Variants in SOX6 observed in about 807,000 individuals in gnomAD.
The protein encoded by SOX6 is transcription factor SOX-6.
In SOX6, 11 loss-of-function variants were observed where a neutral mutation model predicts 97.8. The observed-to-expected ratio is 0.11, with a 90% CI of 0.07 to 0.19. The LOEUF is 0.19. Ranked by LOEUF, SOX6 falls within the 10% of genes least tolerant of loss-of-function variation. The pLI is 1.00. For synonymous variants in SOX6, 360 were observed against 371.4 expected (o/e 0.97, Z 0.35); for missense variants, 810 against 1,039.5 (o/e 0.78, Z 3.04).
intron 1 of SOX6, among the ~76,000 whole-genome samples, chr11:16,415,027 A>G (rs1471452604): frequency 6.6e-6 from 1 of 152,172 alleles, no homozygotes; most frequent in Admixed American, 6.5e-5. Flanking sequence ...CTCTTCAAAT[A>G]CATCTGTATT....
chr11:16,290,401 A>G (rs1316278773), intron 3 of SOX6, among the ~76,000 whole-genome samples: 1 of 152,088 alleles, frequency 6.6e-6, no homozygotes, highest in Non-Finnish European at 1.5e-5. Flanking sequence ...TACTTTTAAA[A>G]ATCTGCTCAT....
intron 4 of SOX6, among the ~76,000 whole-genome samples, chr11:16,587,519 A>G (rs1182989826): frequency 2.6e-5 from 4 of 152,206 alleles, no homozygotes; most frequent in South Asian, 2.1e-4. Context: ...AAATATGTCT[A>G]TGTGTGGTAA....
At chr11:16,622,027 T>C (rs563831245) in intron 3 of SOX6, among the ~76,000 whole-genome samples, 5 of 152,330 alleles carry the variant, frequency 3.3e-5, no homozygotes, top group African/African-American at 1.2e-4. Context: ...GGTCATCTTG[T>C]GGATGCCTTT....
chr11:16,702,498 G>T (rs1848102171), intron 3 of SOX6, among the ~76,000 whole-genome samples: 1 of 152,152 alleles, frequency 6.6e-6, no homozygotes, highest in Non-Finnish European at 1.5e-5. Flanking sequence ...ATGCTACTTA[G>T]GGAAAACTTG....
chr11:16,516,707 G>T (rs1590230275), intron 4 of SOX6, among the ~76,000 whole-genome samples: 1 of 148,090 alleles, frequency 6.8e-6, no homozygotes, highest in Non-Finnish European at 1.5e-5. Context: ...ACCAAAAAGA[G>T]TCCAGGACCA....
At chr11:16,641,109 G>A (rs1016200881) in intron 3 of SOX6, among the ~76,000 whole-genome samples, 8 of 152,200 alleles carry the variant, frequency 5.3e-5, no homozygotes, top group African/African-American at 1.7e-4. Flanking sequence ...GGTATGCTGT[G>A]TCTTTGTTCT....
chr11:16,243,860 T>C (rs1237405897), intron 3 of SOX6, among the ~76,000 whole-genome samples: 2 of 152,010 alleles, frequency 1.3e-5, no homozygotes, highest in Non-Finnish European at 2.9e-5. Context: ...TCTGGTCCTT[T>C]TTATTAATTT....
intron 9 of SOX6, among the ~76,000 whole-genome samples, chr11:16,068,799 C>A (rs1188926986): frequency 1.3e-5 from 2 of 152,232 alleles, no homozygotes; most frequent in African/African-American, 4.8e-5. Context: ...CTACTGCCTC[C>A]TTTGTGCTCC....
At chr11:16,535,287 T>G (rs1458118755) in intron 4 of SOX6, among the ~76,000 whole-genome samples, 3 of 152,196 alleles carry the variant, frequency 2.0e-5, no homozygotes, top group African/African-American at 4.8e-5. Context: ...AGAGCAGACA[T>G]TGTCTAACAG....
intron 4 of SOX6, among the ~76,000 whole-genome samples, chr11:16,520,136 A>G (rs1035381802): frequency 6.6e-6 from 1 of 152,178 alleles, no homozygotes; most frequent in African/African-American, 2.4e-5. Flanking sequence ...ATTTTCTCCA[A>G]TTCTGTAGGT....
chr11:16,250,653 A>C (rs1437633), intron 3 of SOX6, among the ~76,000 whole-genome samples: 117,700 of 151,472 alleles, frequency 0.78, 45,873 homozygotes, highest in Non-Finnish European at 0.8. Context: ...ATAACAGGAA[A>C]ATTCCAACAA....
At chr11:16,441,222 A>G (rs1166671225) in intron 1 of SOX6, among the ~76,000 whole-genome samples, 1 of 152,164 alleles carries the variant, frequency 6.6e-6, no homozygotes, top group Non-Finnish European at 1.5e-5. Context: ...TGGCCATACC[A>G]TCTACTCTGA....
At chr11:16,228,321 G>A (rs1852744320) in intron 4 of SOX6, among the ~76,000 whole-genome samples, 1 of 152,000 alleles carries the variant, frequency 6.6e-6, no homozygotes, top group Non-Finnish European at 1.5e-5. Context: ...AAGTTATTTT[G>A]TAATAATTGT....
chr11:16,130,100 G>A (rs1849703368), intron 6 of SOX6, among the ~76,000 whole-genome samples: 1 of 151,922 alleles, frequency 6.6e-6, no homozygotes, highest in African/African-American at 2.4e-5. Context: ...AAATTAAGCA[G>A]TCACAACATA....
intron 3 of SOX6, among the ~76,000 whole-genome samples, chr11:16,257,769 A>C (rs1201697334): frequency 6.6e-6 from 1 of 151,940 alleles, no homozygotes; most frequent in East Asian, 1.9e-4. Flanking sequence ...ATGAAAAAAC[A>C]TGCCACAGAC....
At chr11:16,523,643 T>G (rs923208727) in intron 4 of SOX6, among the ~76,000 whole-genome samples, 36 of 151,378 alleles carry the variant, frequency 2.4e-4, no homozygotes, top group Admixed American at 1.8e-3. Flanking sequence ...AGAGCAAAAC[T>G]GAAGGAAATA....
Position 16,579,749 on chromosome 11 carries a change from C to T in SOX6, n.609+32332G>A, listed in dbSNP as rs115008854. On this transcript the variant is annotated intron_variant and non_coding_transcript_variant, in intron 4 of 5. Transcript: ENST00000524520. Reference sequence around the variant, plus strand: ...GTGGCTATTACAAACAAAATTGCTACGAACAAGCGGTGTATGTCTTTTAGT... The same window carrying T: ...GTGGCTATTACAAACAAAATTGCTATGAACAAGCGGTGTATGTCTTTTAGT... Among the ~76,000 whole-genome samples the T allele has an allele frequency of 6.8e-3, 1,035 of 152,140 alleles. 14 individuals carry two copies. Among genetic ancestry groups the T allele is most frequent in the African/African-American group, 0.023 (935 of 41,534 alleles).
chr11:16,234,900 T>G (rs1358843463), intron 3 of SOX6, among the ~76,000 whole-genome samples: 2 of 151,988 alleles, frequency 1.3e-5, no homozygotes, highest in East Asian at 3.8e-4. Flanking sequence ...AGAAAAAAGA[T>G]AATGCTCAAT....
intron 4 of SOX6, among the ~76,000 whole-genome samples, chr11:16,489,550 C>T (rs1380996812): frequency 1.3e-5 from 2 of 152,030 alleles, no homozygotes. Flanking sequence ...TTTAAATCAG[C>T]AATATTCCTC....
Sources: gnomAD v4.1 joint callset for allele counts (sites outside exome capture counted in the v4.1 genomes callset) on GRCh38, gnomAD v4.1.1 for gene constraint, MANE v1.5 for transcripts, NCBI Gene and HGNC (gene_info 2026-07-23, HGNC 2026-07-21) for gene names.